HSP90AA1: variants seen among roughly 807,000 people sequenced by gnomAD.
HSP90AA1 encodes heat shock protein HSP 90-alpha.
A neutral mutation model predicts 73.3 loss-of-function variants in HSP90AA1; 18 were observed. The ratio of observed to expected loss-of-function variants is 0.25; its 90% CI spans 0.17 to 0.36. The LOEUF (loss-of-function observed/expected upper bound fraction) is 0.36. HSP90AA1 is among the 10% of genes least tolerant of loss of function. The probability of loss-of-function intolerance (pLI) is 1.00; values close to 1 mark genes in which losing one functional copy is unlikely to be tolerated. For missense variants in HSP90AA1, 704 were observed against 874.2 expected (o/e 0.81, Z 2.45); for synonymous variants, 477 against 296.9 (o/e 1.61, Z -6.24).
intron 1 of HSP90AA1, among the ~76,000 whole-genome samples, chr14:102,125,370 A>G (rs1420799227): frequency 6.6e-6 from 1 of 152,190 alleles, no homozygotes; most frequent in Non-Finnish European, 1.5e-5. Context: ...GCAATGTTAA[A>G]ACCTATCCAG....
chr14:102,084,917 CTTCT>C lies in HSP90AA1; in HGVS notation c.741_744del (p.Glu248ArgfsTer68). The C allele has an allele frequency of 2.5e-6, 4 of 1,585,034 alleles. No individual in the cohort carries two copies. Among genetic ancestry groups the C allele is most frequent in the East Asian group, 2.2e-5 (1 of 44,742 alleles). On this transcript the variant is annotated frameshift_variant, in exon 5 of 11. Coordinates refer to ENST00000216281, the MANE Select transcript of HSP90AA1 (RefSeq NM_005348.4). LOFTEE classifies it high-confidence loss of function. Reference sequence around the variant, plus strand: ...TCAGGTTTGTCTTCCGACTCTTTCTCTTCTTTTTCTTTTTCTTCTTCTTTGTCTT... The same window carrying C: ...TCAGGTTTGTCTTCCGACTCTTTCTCTTTTCTTTTTCTTCTTCTTTGTCTT...
chr14:102,095,548 G>C (rs1275210515), intron 2 of HSP90AA1, among the ~76,000 whole-genome samples: 2 of 152,176 alleles, frequency 1.3e-5, no homozygotes, highest in Non-Finnish European at 2.9e-5. Context: ...TTCTAGTCGG[G>C]GAGGGACAGG....
At position 102,081,780 on chromosome 14, in the gene HSP90AA1, C is replaced by T. The variant is rs2152609490; in HGVS notation, c.2131G>A (p.Ala711Thr). 6.3e-7 allele frequency: 1 copy of T among 1,591,218 alleles called. No individual in the cohort carries two copies. Among genetic ancestry groups the T allele is most frequent in the Non-Finnish European group, 8.6e-7 (1 of 1,159,134 alleles). ...AGGGGTGGCATTTCTTCAGTTACAG[C>T]AGCACTGGTATCATCAGCAGTAGGG... is the stretch of plus-strand genomic sequence containing the variant. ...DDPTADDTSA[A>T]VTEEMPPLEG... Residue 711 changes from alanine (A) to threonine (T), a missense_variant, in exon 11 of 11, where the codon GCT becomes ACT. Transcript: ENST00000216281.
chr14:102,086,579 G>A (rs1311896322), intron 1 of HSP90AA1, among the ~76,000 whole-genome samples: 2 of 151,998 alleles, frequency 1.3e-5, no homozygotes, highest in Non-Finnish European at 2.9e-5. Context: ...GCGCTTCCGG[G>A]AGGCCGCCGC....
intron 2 of HSP90AA1, among the ~76,000 whole-genome samples, chr14:102,099,277 G>A (rs1475845793): frequency 6.6e-6 from 1 of 152,184 alleles, no homozygotes; most frequent in Non-Finnish European, 1.5e-5. Flanking sequence ...ATGCAGGAGA[G>A]GCTGGGCACG....
intron 1 of HSP90AA1, among the ~76,000 whole-genome samples, chr14:102,108,051 G>T (rs553199167): frequency 1.3e-5 from 2 of 151,062 alleles, no homozygotes; most frequent in Middle Eastern, 3.2e-3. Flanking sequence ...CATTGCTTGA[G>T]ACCATTTTGA....
At chr14:102,094,004 A>G (rs2049392918) in intron 2 of HSP90AA1, among the ~76,000 whole-genome samples, 1 of 151,686 alleles carries the variant, frequency 6.6e-6, no homozygotes, top group African/African-American at 2.4e-5. Flanking sequence ...AGGACCCGGG[A>G]GCGGGTGCTG....
intron 3 of HSP90AA1, 162 bp downstream of exon 3, chr14:102,085,596 G>C (rs532484825): frequency 1.6e-6 from 2 of 1,253,212 alleles, no homozygotes; most frequent in African/African-American, 1.5e-5. Context: ...CAAAAGAACC[G>C]CCCACCAAGT....
intron 2 of HSP90AA1, among the ~76,000 whole-genome samples, chr14:102,096,528 C>T (rs897859166): frequency 2.0e-5 from 3 of 152,196 alleles, no homozygotes; most frequent in Non-Finnish European, 2.9e-5. Context: ...CAGGCAAATA[C>T]GTGTCTGCCA....
chr14:102,082,815 T>C, intron 9 of HSP90AA1: 2 of 565,966 alleles, frequency 3.5e-6, no homozygotes, highest in Non-Finnish European at 6.3e-6. Context: ...AGAGACTGAG[T>C]TTCACCGTGT....
chr14:102,129,555 T>G (rs2049881507), intron 1 of HSP90AA1, among the ~76,000 whole-genome samples: 1 of 150,398 alleles, frequency 6.6e-6, no homozygotes, highest in Admixed American at 6.7e-5. Context: ...CAGCCTAAAG[T>G]GCAGTGGCTT....
intron 4 of HSP90AA1, 36 bp from the exon 5 acceptor site, chr14:102,085,034 A>G (rs750594857): frequency 6.2e-7 from 1 of 1,613,732 alleles, no homozygotes; most frequent in South Asian, 1.1e-5. Context: ...TCACTGCTGC[A>G]CTCCAGAACT....
intron 1 of HSP90AA1, among the ~76,000 whole-genome samples, chr14:102,116,852 C>T (rs1408221623): frequency 6.6e-6 from 1 of 152,156 alleles, no homozygotes; most frequent in East Asian, 1.9e-4. Flanking sequence ...CCTGGAGCCC[C>T]TGCCCCAGGC....
At chr14:102,139,190 C>G in intron 1 of HSP90AA1, 2 of 1,595,040 alleles carry the variant, frequency 1.3e-6, no homozygotes, top group Non-Finnish European at 1.7e-6. Flanking sequence ...ACATTCTTCT[C>G]TCCCCCTACC....
intron 6 of HSP90AA1, 36 bp from the exon 7 acceptor site, chr14:102,084,019 C>T (rs1271047692): frequency 1.3e-5 from 20 of 1,509,806 alleles, no homozygotes; most frequent in Non-Finnish European, 1.7e-5. Context: ...CTGAGTCATT[C>T]CAAGGACAAA....
chr14:102,126,159 T>C (rs2049836458), intron 1 of HSP90AA1, among the ~76,000 whole-genome samples: 1 of 151,988 alleles, frequency 6.6e-6, no homozygotes, highest in Non-Finnish European at 1.5e-5. Flanking sequence ...CAGGAGTGAT[T>C]TTTGGAGTGA....
At chr14:102,113,567 G>T (rs1310513866) in intron 1 of HSP90AA1, among the ~76,000 whole-genome samples, 3 of 151,416 alleles carry the variant, frequency 2.0e-5, no homozygotes, top group Admixed American at 2.0e-4. Context: ...TGTATTTTTA[G>T]TGGAGACGGG....
At chr14:102,104,732 C>T (rs941091438) in intron 1 of HSP90AA1, among the ~76,000 whole-genome samples, 3 of 152,040 alleles carry the variant, frequency 2.0e-5, no homozygotes, top group African/African-American at 4.8e-5. Context: ...CCAACTTCGA[C>T]TCATCTTTCC....
intron 1 of HSP90AA1, among the ~76,000 whole-genome samples, chr14:102,107,299 T>C (rs1289967925): frequency 1.3e-5 from 2 of 151,842 alleles, no homozygotes; most frequent in African/African-American, 4.9e-5. Flanking sequence ...TCATGCTTGC[T>C]TCTTTCTTGG....
Sources: gnomAD v4.1 joint callset for allele counts (sites outside exome capture counted in the v4.1 genomes callset) on GRCh38, gnomAD v4.1.1 for gene constraint, MANE v1.5 for transcripts, NCBI Gene and HGNC (gene_info 2026-07-23, HGNC 2026-07-21) for gene names.